Variants in ITSN2 observed in about 807,000 individuals in gnomAD.
The protein encoded by ITSN2 is intersectin-2.
In ITSN2, 156 loss-of-function variants were observed where a neutral mutation model predicts 243.7. The ratio of observed to expected loss-of-function variants is 0.64; its 90% CI spans 0.56 to 0.73. The LOEUF (loss-of-function observed/expected upper bound fraction) is 0.73. ITSN2 is among the 30% of genes least tolerant of loss of function. ITSN2 has a pLI of 0.00. For missense variants in ITSN2, 1,801 were observed against 1,996.1 expected (o/e 0.90, Z 1.86); for synonymous variants, 703 against 699.9 (o/e 1.00, Z -0.07).
chr2:24,330,811 G>T, intron 1 of ITSN2: 1 of 397,872 alleles, frequency 2.5e-6, no homozygotes, highest in Non-Finnish European at 4.7e-6. Context: ...CTATCGCCCA[G>T]GCTGGAGTGC....
chr2:24,321,510 A>G (rs1428129260), intron 2 of ITSN2, among the ~76,000 whole-genome samples: 1 of 152,236 alleles, frequency 6.6e-6, no homozygotes, highest in East Asian at 1.9e-4. Context: ...TCTTAAAGAG[A>G]AGTTTTAAGA....
intron 32 of ITSN2, among the ~76,000 whole-genome samples, chr2:24,212,969 G>A (rs1307811298): frequency 6.6e-6 from 1 of 151,974 alleles, no homozygotes; most frequent in Non-Finnish European, 1.5e-5. Flanking sequence ...ACACTGATAT[G>A]TCGCACTGTA....
rs528666431 is a variant in ITSN2 at position 24,209,928 on chromosome 2, A to G, written c.4363T>C (p.Phe1455Leu). Residue 1455 changes from phenylalanine (F) to leucine (L), a missense_variant, in exon 35 of 40, where the codon TTC (phenylalanine) becomes CTC (leucine). Physicochemically the swap from Phe to Leu is conservative, Grantham distance 22. Around this residue, in one of 5 missense-constraint regions of ITSN2, gnomAD observed 928 missense variants for 1,065.4 expected, o/e 0.87. Transcript: ENST00000355123. ...TAGGTAAGAAGCAGGAAGTCATTGAAGAGGAATCCGTGCAGTTCCTTGTTG... is the reference window on the plus strand; with the variant it reads ...TAGGTAAGAAGCAGGAAGTCATTGAGGAGGAATCCGTGCAGTTCCTTGTTG... ...KSNKELHGFL[F>L]NDFLLLTYMV... is the part of the protein sequence containing the mutation. 6.2e-7 allele frequency: 1 copy of G among 1,614,214 alleles called. No individual in the cohort carries two copies. The highest frequency in any genetic ancestry group is 8.5e-7 in the Non-Finnish European group (1 of 1,180,006).
rs746885163 is a variant in ITSN2 at position 24,208,316 on chromosome 2, G to A, written c.4599C>T (p.Thr1533=). The A allele has an allele frequency of 2.5e-5, 41 of 1,611,518 alleles. No homozygotes were observed. In the East Asian group the frequency reaches 6.7e-4, roughly 26 times the overall value. ...TLRTDNINER[T]AWVQKIKAAS... ...CCGCCTTGATCTTCTGCACCCAGGC[G>A]GTCCTACGGGAGAAGCAGGGGCAGC... Residue 1533 remains threonine, a synonymous_variant, in exon 37 of 40, where the codon ACC becomes ACT. Coordinates refer to ENST00000355123, the MANE Select transcript of ITSN2 (RefSeq NM_006277.3).
intron 2 of ITSN2, among the ~76,000 whole-genome samples, chr2:24,324,960 G>A (rs994638924): frequency 1.6e-4 from 24 of 151,212 alleles, no homozygotes; most frequent in African/African-American, 4.6e-4. Context: ...AACAATCACG[G>A]TTACATATTA....
intron 29 of ITSN2, among the ~76,000 whole-genome samples, chr2:24,224,588 T>C (rs1163544150): frequency 6.6e-6 from 1 of 151,994 alleles, no homozygotes; most frequent in Non-Finnish European, 1.5e-5. Flanking sequence ...ACCCCTGGCA[T>C]GCCATGCCTA....
intron 29 of ITSN2, among the ~76,000 whole-genome samples, chr2:24,226,950 T>C (rs1408459982): frequency 6.6e-6 from 1 of 152,112 alleles, no homozygotes; most frequent in Non-Finnish European, 1.5e-5. Flanking sequence ...ACCCCATCTC[T>C]ATTAAAAATA....
At chr2:24,224,057 TTTG>T (rs1670780291) in intron 29 of ITSN2, among the ~76,000 whole-genome samples, 2 of 15,590 alleles carry the variant, frequency 1.3e-4, no homozygotes, top group African/African-American at 5.1e-4. Context: ...TGACGAGGCT[TTTG>T]TGGAGCAAGG....
At chr2:24,297,750 T>C (rs572121241) in intron 13 of ITSN2, among the ~76,000 whole-genome samples, 60 of 152,184 alleles carry the variant, frequency 3.9e-4, no homozygotes, top group Admixed American at 7.9e-4. Context: ...ATCACTCAAC[T>C]AACACAACTC....
Position 24,217,654 on chromosome 2 carries a change from T to C in ITSN2, c.3806+253A>G, listed in dbSNP as rs185520984. Among the ~76,000 whole-genome samples the C allele has an allele frequency of 1.4e-4, 21 of 152,366 alleles. 1 individual carries two copies. Among genetic ancestry groups the C allele is most frequent in the Non-Finnish European group, 2.5e-4 (17 of 68,028 alleles). On this transcript the variant is annotated intron_variant, in intron 31 of 39. Transcript: ENST00000355123. ...AAGGACATCTTATATCTTGGAATCA[T>C]AGATTGATATGTTGTTTAATGATTT... is the stretch of plus-strand genomic sequence containing the variant.
At chr2:24,284,503 A>T (rs1181142677) in intron 17 of ITSN2, among the ~76,000 whole-genome samples, 2 of 152,182 alleles carry the variant, frequency 1.3e-5, no homozygotes, top group Admixed American at 1.3e-4. Context: ...GTTGTAAAGG[A>T]ACCAGGTTAT....
chr2:24,236,701 ATTC>A (rs1672199942), intron 29 of ITSN2, among the ~76,000 whole-genome samples: 1 of 133,318 alleles, frequency 7.5e-6, no homozygotes, highest in Non-Finnish European at 1.6e-5. Context: ...ATAGGGTCTC[ATTC>A]TGTCACTCAG....
chr2:24,343,176 G>A (rs978910461), intron 1 of ITSN2, among the ~76,000 whole-genome samples: 4 of 151,118 alleles, frequency 2.6e-5, no homozygotes, highest in Non-Finnish European at 4.4e-5. Flanking sequence ...TTAATGCCTA[G>A]CTGATACAAA....
chr2:24,217,281 G>C (rs978159822), intron 31 of ITSN2, among the ~76,000 whole-genome samples: 4 of 152,132 alleles, frequency 2.6e-5, no homozygotes, highest in African/African-American at 7.2e-5. Context: ...GTGTTTCAAG[G>C]CCTTTAGAAT....
intron 2 of ITSN2, among the ~76,000 whole-genome samples, chr2:24,321,216 T>G (rs1460829455): frequency 6.6e-6 from 1 of 152,210 alleles, no homozygotes; most frequent in Non-Finnish European, 1.5e-5. Flanking sequence ...CTCTGAGGTT[T>G]TTGTAAAGCT....
At position 24,308,654 on chromosome 2, in the gene ITSN2, A is replaced by C; in HGVS notation, c.756T>G (p.Phe252Leu). The C allele has an allele frequency of 6.5e-7, 1 of 1,538,446 alleles. No homozygotes were observed. Among genetic ancestry groups the C allele is most frequent in the Non-Finnish European group, 8.8e-7 (1 of 1,137,636 alleles). The change falls in exon 8 of 40, where the codon TTT (phenylalanine) becomes TTG (leucine). Residue 252 changes from phenylalanine to leucine, a missense_variant. Physicochemically the swap from Phe to Leu is conservative, Grantham distance 22. Around this residue, in one of 5 missense-constraint regions of ITSN2, gnomAD observed 787 missense variants for 803.9 expected, o/e 0.98. Coordinates refer to ENST00000355123, the MANE Select transcript of ITSN2 (RefSeq NM_006277.3). The part of the protein sequence containing the change: ...QPTRLKYRQK[F>L]NTLDKSMSGY... ...CACTCATACTTTTGTCAAGAGTATT[A>C]AATTTTTGCCGATATTTTAATCTTG... is the stretch of plus-strand genomic sequence containing the variant.
At chr2:24,272,343 C>T (rs1432880426) in intron 18 of ITSN2, among the ~76,000 whole-genome samples, 1 of 152,100 alleles carries the variant, frequency 6.6e-6, no homozygotes, top group Non-Finnish European at 1.5e-5. Context: ...CTGTTATTCC[C>T]ACTGTCCTAT....
At chr2:24,239,595 T>C (rs1290639287) in intron 29 of ITSN2, 1 of 152,098 alleles carries the variant, frequency 6.6e-6, no homozygotes, top group Non-Finnish European at 1.5e-5. Flanking sequence ...ACAGGTATTT[T>C]GATTCTTTAC....
chr2:24,358,325 G>C (rs933117185), intron 1 of ITSN2, among the ~76,000 whole-genome samples: 1 of 152,206 alleles, frequency 6.6e-6, no homozygotes, highest in Non-Finnish European at 1.5e-5. Context: ...CTAGCTCAGA[G>C]ACCTAAAGTA....
Sources: allele counts gnomAD v4.1 joint callset (sites outside exome capture counted in the v4.1 genomes callset), GRCh38; gene constraint gnomAD v4.1.1; regional missense constraint gnomAD v4.1.1; transcripts MANE v1.5; gene names NCBI Gene and HGNC (gene_info 2026-07-23, HGNC 2026-07-21).